HECTD2: variants seen among roughly 807,000 people sequenced by gnomAD.
The protein encoded by HECTD2 is HECT domain E3 ubiquitin protein ligase 2.
A neutral mutation model predicts 103.2 loss-of-function variants in HECTD2; 35 were observed. The observed-to-expected ratio is 0.34, with a 90% CI of 0.26 to 0.45. HECTD2 has a LOEUF of 0.45. HECTD2 is among the 20% of genes least tolerant of loss of function. The pLI is 1.00. For missense variants in HECTD2, 596 were observed against 937.4 expected, an observed-to-expected ratio of 0.64 and a Z score of 4.76; for synonymous variants, 281 against 329.9, an observed-to-expected ratio of 0.85 and a Z score of 1.61.
rs1194463354 is a variant in HECTD2 at position 91,426,067 on chromosome 10, A to G, written c.268+657A>G. 3.3e-5 allele frequency among the ~76,000 whole-genome samples: 5 copies of G among 152,068 alleles called. No individual in the cohort carries two copies. In the East Asian group the frequency reaches 9.6e-4, roughly 29 times the overall value. On this transcript the variant is annotated intron_variant, in intron 2 of 20. Transcript: ENST00000298068. ...GAGAAATGCCCACAATACATTGTAA[A>G]ATGAAAAAAGTAAGTTACATCATTA...
intron 7 of HECTD2, among the ~76,000 whole-genome samples, 166 bp from the exon 8 acceptor site, chr10:91,482,801 C>T (rs1050470304): frequency 1.3e-5 from 2 of 151,882 alleles, no homozygotes; most frequent in African/African-American, 4.8e-5. Context: ...ACTGTATAGC[C>T]GCAGTGTAAA....
At chr10:91,427,597 G>A (rs1843624842) in intron 2 of HECTD2, among the ~76,000 whole-genome samples, 1 of 152,030 alleles carries the variant, frequency 6.6e-6, no homozygotes, top group Non-Finnish European at 1.5e-5. Context: ...TTCTCTGATG[G>A]CCAGTGATGA....
Position 91,433,430 on chromosome 10 carries a change from A to G in HECTD2, c.268+8020A>G, listed in dbSNP as rs554569459. 2.8e-4 allele frequency among the ~76,000 whole-genome samples: 43 copies of G among 152,080 alleles called. No individual in the cohort carries two copies. In the South Asian group the frequency reaches 8.7e-3, roughly 31 times the overall value. On this transcript the variant is annotated intron_variant, in intron 2 of 20. Transcript: ENST00000298068. Reference sequence around the variant, plus strand: ...ACCTTTGGTGGGTAACTATGTATGCATTGTCCAGAACCTTGCTTTTTGTCC... The same window carrying G: ...ACCTTTGGTGGGTAACTATGTATGCGTTGTCCAGAACCTTGCTTTTTGTCC...
intron 16 of HECTD2, 52 bp from the exon 17 acceptor site, chr10:91,498,820 A>C: frequency 9.1e-7 from 1 of 1,097,824 alleles, no homozygotes; most frequent in Non-Finnish European, 1.3e-6. Context: ...TGTTCACCAA[A>C]GTATGTTATT....
At chr10:91,415,328 G>GTTCTAAA (rs1843081094) in intron 1 of HECTD2, among the ~76,000 whole-genome samples, 3 of 151,740 alleles carry the variant, frequency 2.0e-5, no homozygotes, top group Admixed American at 2.0e-4. Context: ...AGGTGAGATG[G>GTTCTAAA]GAAAGAATGA....
Position 91,487,499 on chromosome 10 carries a change from A to G in HECTD2, c.1095-183A>G. 1 of 645,066 alleles carries G rather than the reference A, an allele frequency of 1.6e-6. No homozygotes were observed. Among genetic ancestry groups the G allele is most frequent in the South Asian group, 1.6e-5 (1 of 63,106 alleles). The allele number at this position is 645,066 out of a possible 1,614,324, so 40.0% of individuals were successfully genotyped here. A position where few individuals can be genotyped will look rare whatever the true frequency, so the allele number is the denominator to read the frequency against. The stretch of plus-strand genomic sequence containing the variant: ...TAAAGGCATTGCACATCTAGTAATG[A>G]TACATTCTTCACATGGCTGTGAGAA... On this transcript the variant is annotated intron_variant, in intron 10 of 20. Coordinates refer to ENST00000298068, the MANE Select transcript of HECTD2 (RefSeq NM_182765.6). This position sits in a 1 kb window ranked among gnomAD's most constrained non-coding sequence, Gnocchi z 4.1.
chr10:91,418,438 A>AT (rs34939219), intron 1 of HECTD2, among the ~76,000 whole-genome samples: 35 of 151,396 alleles, frequency 2.3e-4, no homozygotes, highest in South Asian at 6.3e-4. Flanking sequence ...AATTGCGTTG[A>AT]TTTTTTTTTG....
At chr10:91,411,493 A>G (rs558802372) in intron 1 of HECTD2, among the ~76,000 whole-genome samples, 22 of 152,240 alleles carry the variant, frequency 1.4e-4, no homozygotes, top group Non-Finnish European at 2.8e-4. Flanking sequence ...TTTAGTGAAC[A>G]TTATACATTT....
chr10:91,481,014 A>G (rs1589528585), intron 6 of HECTD2, 80 bp from the exon 7 acceptor site: 2 of 849,804 alleles, frequency 2.4e-6, no homozygotes, highest in Non-Finnish European at 3.7e-6. Context: ...GTCTTCATAG[A>G]AAAGTTTATT....
intron 5 of HECTD2, among the ~76,000 whole-genome samples, chr10:91,470,299 C>T (rs573998149): frequency 6.6e-6 from 1 of 152,094 alleles, no homozygotes; most frequent in African/African-American, 2.4e-5. Context: ...ACTTTAAGAT[C>T]GACCACATAA....
rs1021642053 is a variant in HECTD2, at chr10:91,506,720, T to C, written c.2210+5386T>C. On this transcript the variant is annotated intron_variant, in intron 20 of 20. Transcript: ENST00000298068. ...ACAAGGAGGAACTGGTACCATTCCT[T>C]CTGAAACTATTCCAATCAATAGAAA... 5.3e-5 allele frequency among the ~76,000 whole-genome samples: 8 copies of C among 151,996 alleles called. No individual in the cohort carries two copies. The South Asian group carries it at 1.0e-3, about 20-fold the overall frequency.
At position 91,513,593 on chromosome 10, in the gene HECTD2, A is replaced by G. The variant is rs1032907335; in HGVS notation, c.*1209A>G. On this transcript the variant is annotated 3_prime_UTR_variant, in exon 21 of 21. Coordinates refer to ENST00000298068, the MANE Select transcript of HECTD2 (RefSeq NM_182765.6). ...TAAATGTTTTTTTTAATTTACAGCA[A>G]ATGAAGCAGTTTTATTAGCATGTTA... 2 of 152,616 alleles carry G rather than the reference A, an allele frequency of 1.3e-5. No homozygotes were observed. The highest frequency in any genetic ancestry group is 1.3e-4 in the Admixed American group (2 of 15,272). The allele number at this position is 152,616 out of a possible 1,614,324, so 9.5% of individuals were successfully genotyped here.
At chr10:91,510,725 G>A (rs1224281663) in intron 20 of HECTD2, among the ~76,000 whole-genome samples, 1 of 152,122 alleles carries the variant, frequency 6.6e-6, no homozygotes, top group African/African-American at 2.4e-5. Context: ...AAAAAACTGA[G>A]TTGGCATTTT....
intron 1 of HECTD2, among the ~76,000 whole-genome samples, chr10:91,411,958 G>A (rs1301395887): frequency 6.6e-6 from 1 of 152,024 alleles, no homozygotes; most frequent in Non-Finnish European, 1.5e-5. Context: ...AGTTAAATGA[G>A]TGGGTTTAGG....
rs1262623250 is a variant in HECTD2, at chr10:91,410,377, C to G, written c.-62C>G. The G allele has an allele frequency of 8.8e-7, 1 of 1,139,850 alleles. No homozygotes were observed. Among genetic ancestry groups the G allele is most frequent in the African/African-American group, 1.6e-5 (1 of 61,040 alleles). The allele number at this position is 1,139,850 out of a possible 1,614,324, so 70.6% of individuals were successfully genotyped here. On this transcript the variant is annotated 5_prime_UTR_variant, in exon 1 of 21. Transcript: ENST00000298068. ...CTCGCGGCCGCGGCGGCAGCAGCAG[C>G]GCCAGCCCCAGCAACACTGAGGCCG...
chr10:91,421,066 G>C (rs1047562690), intron 1 of HECTD2, among the ~76,000 whole-genome samples: 4 of 151,906 alleles, frequency 2.6e-5, no homozygotes, highest in South Asian at 2.1e-4. Context: ...CTTCAGTAAA[G>C]CTTCTGAGTC....
intron 2 of HECTD2, among the ~76,000 whole-genome samples, chr10:91,453,049 T>C (rs1394177265): frequency 1.3e-5 from 2 of 152,164 alleles, no homozygotes; most frequent in African/African-American, 2.4e-5. Flanking sequence ...AGACTTTTCT[T>C]CTCCTCTTAT....
At chr10:91,461,490 AAT>A in intron 4 of HECTD2, 134 bp downstream of exon 4, 1 of 430,038 alleles carries the variant, frequency 2.3e-6, no homozygotes, top group Non-Finnish European at 4.1e-6. Flanking sequence ...GAAATTATAC[AAT>A]ACATACAATT....
intron 4 of HECTD2, 135 bp downstream of exon 4, chr10:91,461,491 A>G (rs1845347156): frequency 2.3e-6 from 1 of 430,230 alleles, no homozygotes; most frequent in East Asian, 4.2e-5. Flanking sequence ...AAATTATACA[A>G]TACATACAAT....
Sources: gnomAD v4.1 joint callset for allele counts (sites outside exome capture counted in the v4.1 genomes callset) on GRCh38, gnomAD v4.1.1 for gene constraint, Gnocchi (gnomAD v3.1) non-coding constraint, MANE v1.5 for transcripts, NCBI Gene and HGNC (gene_info 2026-07-23, HGNC 2026-07-21) for gene names.